DCDC2C: variants seen among roughly 807,000 people sequenced by gnomAD.
The protein encoded by DCDC2C is doublecortin domain containing 2C.
DCDC2C carries 44 observed loss-of-function variants against 45.0 expected under a neutral mutation model. That is an observed-to-expected ratio of 0.98 (90% confidence interval 0.77 to 1.26). DCDC2C has a LOEUF of 1.26. Among genes scored for constraint, DCDC2C ranks in the 50% most tolerant of loss-of-function variants. The pLI, the probability that DCDC2C is intolerant of heterozygous loss-of-function variation, is 0.00. For synonymous variants in DCDC2C, 187 were observed against 178.8 expected (o/e 1.05, Z -0.37); for missense variants, 447 against 468.9 (o/e 0.95, Z 0.43).
At position 3,713,546 on chromosome 2, in the gene DCDC2C, G is replaced by T. The variant is rs146802108; in HGVS notation, c.339+4946G>T. On this transcript the variant is annotated intron_variant, in intron 2 of 10. Coordinates refer to ENST00000399143, the MANE Select transcript of DCDC2C (RefSeq NM_001287444.2). ...GGCCCTAAAAGCTCCTGGAGACCTT[G>T]TTGGAAGTTAAGGCCATGTGCAGCC... Among the ~76,000 whole-genome samples, 17 of 152,342 alleles carry T rather than the reference G, an allele frequency of 1.1e-4. No homozygotes were observed. In the East Asian group the frequency reaches 3.3e-3, roughly 29 times the overall value.
chr2:3,803,002 A>G (rs1390026201), intron 10 of DCDC2C, among the ~76,000 whole-genome samples: 2 of 152,106 alleles, frequency 1.3e-5, no homozygotes, highest in Non-Finnish European at 2.9e-5. Flanking sequence ...TTTCCCACCT[A>G]TATTCATGTA....
At chr2:3,840,922 A>T (rs1200136827) in intron 10 of DCDC2C, among the ~76,000 whole-genome samples, 1 of 152,188 alleles carries the variant, frequency 6.6e-6, no homozygotes. Flanking sequence ...CCATGTGCTC[A>T]TGTGGACTTT....
In DCDC2C at chr2:3,785,626, C is replaced by G. The variant is rs571450363; in HGVS notation, c.1065+526C>G. Reference sequence around the variant, plus strand: ...CACACCTGGCAGCGGAAGGTGCTTCCCCCTAGAAGCGCTGCTCTCCCTGCC... The same window carrying G: ...CACACCTGGCAGCGGAAGGTGCTTCGCCCTAGAAGCGCTGCTCTCCCTGCC... On this transcript the variant is annotated intron_variant, in intron 10 of 10. Transcript: ENST00000399143. 2.4e-3 allele frequency among the ~76,000 whole-genome samples: 370 copies of G among 152,248 alleles called. 7 individuals carry two copies. Among genetic ancestry groups the G allele is most frequent in the Non-Finnish European group, 5.3e-4 (36 of 68,014 alleles).
intron 10 of DCDC2C, among the ~76,000 whole-genome samples, chr2:3,813,638 A>T (rs1457838161): frequency 7.4e-6 from 1 of 135,498 alleles, no homozygotes; most frequent in Admixed American, 7.4e-5. Context: ...TTCTTGTTGA[A>T]TTTTTTTTTT....
At chr2:3,755,387 A>G (rs1196985951) in intron 6 of DCDC2C, among the ~76,000 whole-genome samples, 1 of 150,980 alleles carries the variant, frequency 6.6e-6, no homozygotes, top group East Asian at 2.0e-4. Context: ...ATGTGTATGT[A>G]TGAATGCACA....
intron 4 of DCDC2C, among the ~76,000 whole-genome samples, chr2:3,744,733 T>C (rs370982697): frequency 6.6e-6 from 1 of 152,216 alleles, no homozygotes; most frequent in Non-Finnish European, 1.5e-5. Flanking sequence ...AAAACTGATG[T>C]CCACTTTTGA....
intron 4 of DCDC2C, among the ~76,000 whole-genome samples, chr2:3,746,862 G>A (rs777539640): frequency 5.3e-5 from 8 of 152,172 alleles, no homozygotes; most frequent in Non-Finnish European, 1.0e-4. Flanking sequence ...GCTTCATAGA[G>A]GTGGCGGATC....
intron 10 of DCDC2C, among the ~76,000 whole-genome samples, chr2:3,813,515 T>G (rs77686715): frequency 6.6e-6 from 1 of 152,114 alleles, no homozygotes; most frequent in Non-Finnish European, 1.5e-5. Flanking sequence ...GGTGTTAAAG[T>G]CTCCCATTAT....
At chr2:3,831,929 T>C (rs1671960473) in intron 10 of DCDC2C, among the ~76,000 whole-genome samples, 1 of 152,228 alleles carries the variant, frequency 6.6e-6, no homozygotes, top group Non-Finnish European at 1.5e-5. Context: ...CCCTGCCTTC[T>C]TCACTTTCCT....
chr2:3,799,200 G>T (rs192867660), intron 10 of DCDC2C, among the ~76,000 whole-genome samples: 1 of 151,938 alleles, frequency 6.6e-6, no homozygotes, highest in African/African-American at 2.4e-5. Context: ...CATAGTTCTC[G>T]AGCCTTGTTT....
intron 4 of DCDC2C, among the ~76,000 whole-genome samples, chr2:3,751,616 ACCCTCTGGG>A (rs1026333503): frequency 2.4e-4 from 36 of 152,222 alleles, no homozygotes; most frequent in African/African-American, 7.5e-4. Flanking sequence ...TCTGAAGCTG[ACCCTCTGGG>A]CAGCTCTGAC....
At chr2:3,803,280 G>C (rs941972497) in intron 10 of DCDC2C, among the ~76,000 whole-genome samples, 5 of 151,766 alleles carry the variant, frequency 3.3e-5, no homozygotes, top group Admixed American at 1.3e-4. Context: ...GTTTGTTTTT[G>C]TATACTGCTT....
intron 10 of DCDC2C, among the ~76,000 whole-genome samples, chr2:3,799,926 C>T (rs1420400200): frequency 1.3e-5 from 2 of 152,240 alleles, no homozygotes; most frequent in African/African-American, 4.8e-5. Flanking sequence ...GCTTTGTTTA[C>T]CTAAGCAATC....
intron 1 of DCDC2C, among the ~76,000 whole-genome samples, chr2:3,705,099 A>C (rs953143989): frequency 1.3e-5 from 2 of 152,230 alleles, no homozygotes; most frequent in Non-Finnish European, 2.9e-5. Flanking sequence ...CTCTCCGTTC[A>C]AAAATGCTCT....
At position 3,703,674 on chromosome 2, in the gene DCDC2C, T is replaced by C. The variant is rs1667935946; in HGVS notation, c.-78T>C. ...ACCTCCCGTCGGCGGTGCCCGGGCC[T>C]GGGCGCGGCTCTGCAGGCGTCGCTG... On this transcript the variant is annotated 5_prime_UTR_variant, in exon 1 of 11. Coordinates refer to ENST00000399143, the MANE Select transcript of DCDC2C (RefSeq NM_001287444.2). The surrounding 1 kb of genome is among the most constrained non-coding windows in gnomAD (Gnocchi z 4.4). The C allele has an allele frequency of 2.5e-6, 3 of 1,204,930 alleles. No individual in the cohort carries two copies. The allele number at this position is 1,204,930 out of a possible 1,614,324, so 74.6% of individuals were successfully genotyped here. A position where few individuals can be genotyped will look rare whatever the true frequency, so the allele number is the denominator to read the frequency against.
At chr2:3,788,851 C>T (rs1369913537) in intron 10 of DCDC2C, among the ~76,000 whole-genome samples, 1 of 133,988 alleles carries the variant, frequency 7.5e-6, no homozygotes, top group Non-Finnish European at 1.6e-5. Context: ...CCCTCCCTCT[C>T]TCCCCCCAAC....
chr2:3,755,518 T>C (rs971082636), intron 6 of DCDC2C, among the ~76,000 whole-genome samples: 6 of 152,112 alleles, frequency 3.9e-5, no homozygotes, highest in Non-Finnish European at 7.4e-5. Flanking sequence ...TGAATGCACA[T>C]GCATGTGCGT....
rs140780103 is a variant in DCDC2C, at chr2:3,760,510, G to T, written c.726+5876G>T. Among the ~76,000 whole-genome samples, 866 of 152,290 alleles carry T rather than the reference G, an allele frequency of 5.7e-3. 2 individuals are homozygous for T. Among genetic ancestry groups the T allele is most frequent in the Non-Finnish European group, 9.6e-3 (653 of 68,024 alleles). On this transcript the variant is annotated intron_variant, in intron 6 of 10. Coordinates refer to ENST00000399143, the MANE Select transcript of DCDC2C (RefSeq NM_001287444.2). ...ATACTGTGCAGCCATAAAAAAGAATGAGTTTATGTTCTTTGCAGGGAAGTG... is the reference window on the plus strand; with the variant it reads ...ATACTGTGCAGCCATAAAAAAGAATTAGTTTATGTTCTTTGCAGGGAAGTG...
intron 7 of DCDC2C, 67 bp from the exon 8 acceptor site, chr2:3,769,244 G>C: frequency 6.8e-7 from 1 of 1,473,720 alleles, no homozygotes; most frequent in Non-Finnish European, 9.2e-7. Context: ...GTTTGGGTCA[G>C]GAAATATGCA....
Sources: gnomAD v4.1 joint callset for allele counts (sites outside exome capture counted in the v4.1 genomes callset) on GRCh38, gnomAD v4.1.1 for gene constraint, Gnocchi (gnomAD v3.1) non-coding constraint, MANE v1.5 for transcripts, NCBI Gene and HGNC (gene_info 2026-07-23, HGNC 2026-07-21) for gene names.